The following PCDH11X variants were observed in gnomAD, a reference collection of about 807,000 sequenced individuals.
PCDH11X encodes the protein protocadherin-11 X-linked.
In PCDH11X, 18 loss-of-function variants were observed where a neutral mutation model predicts 53.3. That is an observed-to-expected ratio of 0.34 (90% CI 0.23 to 0.50). The LOEUF is 0.50. PCDH11X is among the 20% of genes least tolerant of loss of function. The pLI is 0.98. For synonymous variants in PCDH11X, 279 were observed against 393.3 expected, an observed-to-expected ratio of 0.71 and a Z score of 3.44; for missense variants, 570 against 1,032.4, an observed-to-expected ratio of 0.55 and a Z score of 6.14.
At chrX:92,265,614 T>C (rs1408826552) in intron 8 of PCDH11X, among the ~76,000 whole-genome samples, 1 of 111,748 alleles carries the variant, frequency 8.9e-6, no homozygotes, top group East Asian at 2.8e-4. Context: ...TGCGTACATA[T>C]ATATAGGAAT....
intron 6 of PCDH11X, among the ~76,000 whole-genome samples, chrX:92,183,371 C>G (rs1024021709): frequency 3.7e-5 from 4 of 107,654 alleles, no homozygotes; most frequent in Non-Finnish European, 5.8e-5. Flanking sequence ...ATTCTCCTGC[C>G]TCAGCCTCCC....
At chrX:92,036,515 G>A (rs2063127765) in intron 6 of PCDH11X, among the ~76,000 whole-genome samples, 1 of 108,950 alleles carries the variant, frequency 9.2e-6, no homozygotes, top group African/African-American at 3.4e-5. Context: ...CTTGTCTGCT[G>A]CCATGTGAGA....
At chrX:91,888,668 T>A (rs181790016) in intron 6 of PCDH11X, among the ~76,000 whole-genome samples, 1,144 of 110,772 alleles carry the variant, frequency 0.01, 14 homozygotes, top group African/African-American at 0.036. Context: ...CTCAAAAAAA[T>A]TTTTTTAAAT....
At chrX:92,114,061 C>A (rs1337096227) in intron 6 of PCDH11X, 35 of 1,176,832 alleles carry the variant, frequency 3.0e-5, no homozygotes, top group Non-Finnish European at 4.0e-5. Flanking sequence ...GCCCCTGATA[C>A]AGGCATGACA....
chrX:92,534,381 G>T (rs1316876637), intron 10 of PCDH11X, among the ~76,000 whole-genome samples: 1 of 111,323 alleles, frequency 9.0e-6, no homozygotes, highest in Non-Finnish European at 1.9e-5. Flanking sequence ...AACGAGCAAA[G>T]CCTCCAAGAC....
chrX:91,825,602 T>G (rs1936893781), intron 4 of PCDH11X, among the ~76,000 whole-genome samples: 1 of 110,305 alleles, frequency 9.1e-6, no homozygotes, highest in African/African-American at 3.4e-5. Context: ...ATGAACCCAG[T>G]ACCTCAGATG....
chrX:91,785,800 G>A (rs1039905005), intron 1 of PCDH11X, among the ~76,000 whole-genome samples: 2 of 103,468 alleles, frequency 1.9e-5, no homozygotes, highest in African/African-American at 6.8e-5. Context: ...TTTTTCAATA[G>A]AAGTTCTTCA....
Position 92,156,111 on chromosome X carries a change from C to T in PCDH11X, c.3034-45264C>T, listed in dbSNP as rs2065530068. Among the ~76,000 whole-genome samples, 4 of 108,296 alleles carry T rather than the reference C, an allele frequency of 3.7e-5. No homozygotes were observed. In the South Asian group the frequency reaches 1.6e-3, roughly 44 times the overall value. 94.0% of individuals were successfully genotyped at this position (108,296 alleles called of 115,157 possible). A position where few individuals can be genotyped will look rare whatever the true frequency, so the allele number is the denominator to read the frequency against. Reference sequence around the variant, plus strand: ...CAAAGACTTCAAGATCGTTGAGGGCCTCCCCTGTGACATTTTTTATGACAA... The same window carrying T: ...CAAAGACTTCAAGATCGTTGAGGGCTTCCCCTGTGACATTTTTTATGACAA... On this transcript the variant is annotated intron_variant, in intron 6 of 10. Coordinates refer to ENST00000682573, the MANE Select transcript of PCDH11X (RefSeq NM_032968.5).
chrX:92,471,819 T>C (rs1333192683), intron 10 of PCDH11X, among the ~76,000 whole-genome samples: 1 of 105,896 alleles, frequency 9.4e-6, no homozygotes, highest in Admixed American at 1.0e-4. Flanking sequence ...TGTGAGATAG[T>C]ATCTCATTGT....
In PCDH11X at chrX:91,979,107, C is replaced by T. The variant is rs147815070; in HGVS notation, c.3033+99834C>T. Among the ~76,000 whole-genome samples, 602 of 111,144 alleles carry T rather than the reference C, an allele frequency of 5.4e-3. 7 individuals are homozygous for T. Among genetic ancestry groups the T allele is most frequent in the African/African-American group, 0.019 (576 of 30,606 alleles). On this transcript the variant is annotated intron_variant, in intron 6 of 10. Transcript: ENST00000682573. ...GAGATAAAATTCAGACTGAACATAT[C>T]GTATACTAATGACATCATGTTAATA...
intron 6 of PCDH11X, among the ~76,000 whole-genome samples, chrX:91,890,819 G>A (rs1168661628): frequency 7.2e-5 from 8 of 111,067 alleles, no homozygotes; most frequent in Non-Finnish European, 9.4e-5. Context: ...AATGGCTATG[G>A]TATGGATTTA....
chrX:92,023,011 T>A (rs1216035974), intron 6 of PCDH11X, among the ~76,000 whole-genome samples: 2 of 110,628 alleles, frequency 1.8e-5, no homozygotes, highest in Non-Finnish European at 3.8e-5. Flanking sequence ...TGGACACAGC[T>A]AAAGCAGTGT....
chrX:91,783,820 C>A (rs1331459512), intron 1 of PCDH11X, among the ~76,000 whole-genome samples: 1 of 112,214 alleles, frequency 8.9e-6, no homozygotes, highest in African/African-American at 3.2e-5. Context: ...GAGGTGTCAT[C>A]CCTGTATTTG....
At chrX:91,999,452 A>G (rs1184123095) in intron 6 of PCDH11X, among the ~76,000 whole-genome samples, 1 of 111,659 alleles carries the variant, frequency 9.0e-6, no homozygotes, top group Non-Finnish European at 1.9e-5. Context: ...TTGGAAGACA[A>G]CTATGTTTCT....
intron 5 of PCDH11X, among the ~76,000 whole-genome samples, chrX:91,843,263 ATGTGTGTGTGTGTG>A (rs3067347): frequency 5.3e-4 from 48 of 91,404 alleles, no homozygotes; most frequent in African/African-American, 1.6e-3. Context: ...ATACATACTT[ATGTGTGTGTGTGTG>A]TGTGTGTGTG....
At chrX:92,446,978 G>C (rs777622149) in intron 9 of PCDH11X, among the ~76,000 whole-genome samples, 1 of 110,996 alleles carries the variant, frequency 9.0e-6, no homozygotes, top group South Asian at 3.8e-4. Context: ...TTTTAACAAA[G>C]AGACTGGTAG....
chrX:92,322,577 C>T (rs2069240573), intron 8 of PCDH11X, among the ~76,000 whole-genome samples: 1 of 111,313 alleles, frequency 9.0e-6, no homozygotes, highest in Admixed American at 9.6e-5. Flanking sequence ...CATCTCAGTA[C>T]AAACATATAT....
At chrX:91,791,685 T>C (rs1602823029) in intron 1 of PCDH11X, among the ~76,000 whole-genome samples, 2 of 102,410 alleles carry the variant, frequency 2.0e-5, no homozygotes, top group East Asian at 6.0e-4. Context: ...TTTTTAGGGT[T>C]TTTTTTTTTT....
intron 9 of PCDH11X, among the ~76,000 whole-genome samples, chrX:92,467,281 A>G (rs932419184): frequency 1.3e-4 from 15 of 111,514 alleles, no homozygotes; most frequent in Non-Finnish European, 2.8e-4. Flanking sequence ...TTATTAGTGC[A>G]TAGAAACATT....
Sources: allele counts gnomAD v4.1 joint callset (sites outside exome capture counted in the v4.1 genomes callset), GRCh38; gene constraint gnomAD v4.1.1; transcripts MANE v1.5; gene names NCBI Gene and HGNC (gene_info 2026-07-23, HGNC 2026-07-21).